Variants in FAM204A observed in about 807,000 individuals in gnomAD.
FAM204A encodes family with sequence similarity 204 member A, also known as protein FAM204A.
A neutral mutation model predicts 35.4 loss-of-function variants in FAM204A; 16 were observed. That is an observed-to-expected ratio of 0.45 (90% CI 0.31 to 0.69). The LOEUF is 0.69. Among genes scored for constraint, FAM204A ranks in the 30% least tolerant of loss-of-function variants. FAM204A has a pLI of 0.07. For synonymous variants in FAM204A, 76 were observed against 86.9 expected, an observed-to-expected ratio of 0.88 and a Z score of 0.70; for missense variants, 240 against 265.7, an observed-to-expected ratio of 0.90 and a Z score of 0.67.
intron 7 of FAM204A, among the ~76,000 whole-genome samples, chr10:118,319,537 G>T (rs1846079890): frequency 6.6e-6 from 1 of 151,866 alleles, no homozygotes; most frequent in Admixed American, 6.6e-5. Context: ...ATTAAAATGA[G>T]ATATATTTAT....
rs992025481 is a variant in FAM204A at position 118,304,210 on chromosome 10, C to A, written c.*6647G>T. On this transcript the variant is annotated 3_prime_UTR_variant, in exon 9 of 9. Transcript: ENST00000369183. ...CTCTTTCATCGACCTATTTCTGCAA[C>A]CTCCCTCCCTTCTGACCTCCAGGTT... is the stretch of plus-strand genomic sequence containing the variant. 6.6e-6 allele frequency: 1 copy of A among 152,148 alleles called. No homozygotes were observed. Among genetic ancestry groups the A allele is most frequent in the African/African-American group, 2.4e-5 (1 of 41,416 alleles). 9.4% of individuals were successfully genotyped at this position (152,148 alleles called of 1,614,324 possible).
intron 3 of FAM204A, among the ~76,000 whole-genome samples, 159 bp from the exon 4 acceptor site, chr10:118,335,800 C>T (rs1846374795): frequency 6.6e-6 from 1 of 152,126 alleles, no homozygotes. Flanking sequence ...CTCTGAGACT[C>T]ACAACCTGAG....
At chr10:118,319,705 G>GTTT (rs768070529) in intron 7 of FAM204A, among the ~76,000 whole-genome samples, 32 of 151,806 alleles carry the variant, frequency 2.1e-4, no homozygotes, top group Non-Finnish European at 3.8e-4. Flanking sequence ...AAATCAAAGG[G>GTTT]TTTTAGATTC....
At chr10:118,339,373 C>A (rs1339257023) in intron 2 of FAM204A, among the ~76,000 whole-genome samples, 5 of 152,236 alleles carry the variant, frequency 3.3e-5, no homozygotes, top group Non-Finnish European at 7.3e-5. Context: ...AAGTTTCCAA[C>A]TGGCACCATG....
Position 118,326,184 on chromosome 10 carries a change from C to T in FAM204A, c.513G>A (p.Glu171=). The change falls in exon 7 of 9, where the codon GAG becomes GAA. Residue 171 remains glutamate, a synonymous_variant. Coordinates refer to ENST00000369183, the MANE Select transcript of FAM204A (RefSeq NM_022063.3). ...AVEEWNIEKA[E]ELSNQLATRE... ...GAGTAGCTAGCTGGTTGCTGAGTTC[C>T]TCAGCCTTCTCAATATTCCACTCCT... The T allele has an allele frequency of 6.2e-7, 1 of 1,613,944 alleles. No individual in the cohort carries two copies. Among genetic ancestry groups the T allele is most frequent in the South Asian group, 1.1e-5 (1 of 91,076 alleles).
At chr10:118,340,028 T>G (rs553886496) in intron 2 of FAM204A, among the ~76,000 whole-genome samples, 6 of 152,338 alleles carry the variant, frequency 3.9e-5, no homozygotes, top group African/African-American at 1.4e-4. Flanking sequence ...AATCTAAGTA[T>G]GAATATAGTA....
rs1181536157 is a variant in FAM204A at position 118,308,207 on chromosome 10, A to G, written c.*2650T>C. 6.6e-6 allele frequency: 1 copy of G among 152,246 alleles called. No homozygotes were observed. Among genetic ancestry groups the G allele is most frequent in the Admixed American group, 6.5e-5 (1 of 15,288 alleles). The allele number at this position is 152,246 out of a possible 1,614,324, so 9.4% of individuals were successfully genotyped here. Reference sequence around the variant, plus strand: ...AGTAAATCATAGTTACATTAATGCCATACCAACGGCCTGAAACATATTAAT... The same window carrying G: ...AGTAAATCATAGTTACATTAATGCCGTACCAACGGCCTGAAACATATTAAT... On this transcript the variant is annotated 3_prime_UTR_variant, in exon 9 of 9. Coordinates refer to ENST00000369183, the MANE Select transcript of FAM204A (RefSeq NM_022063.3).
Position 118,336,339 on chromosome 10 carries a change from T to C in FAM204A, c.77A>G (p.Glu26Gly). The C allele has an allele frequency of 6.2e-7, 1 of 1,614,024 alleles. No individual in the cohort carries two copies. Among genetic ancestry groups the C allele is most frequent in the Non-Finnish European group, 8.5e-7 (1 of 1,179,882 alleles). ...TTCCTGTAAGTTAAGTCCAGAGTTC[T>C]CCAACGTAGCTTCATCTTCCGAGTT... Reference protein sequence around the residue: ...ESNSEDEATLENSGLNLQEDK... With the variant: ...ESNSEDEATLGNSGLNLQEDK... The change falls in exon 3 of 9, where the codon GAG becomes GGG. Residue 26 changes from glutamate (E) to glycine (G), a missense_variant. Glu to Gly is a moderately conservative substitution (Grantham distance 98). This residue lies in a region of FAM204A where 232 missense variants were observed against 242.8 expected (regional missense o/e 0.96). Coordinates refer to ENST00000369183, the MANE Select transcript of FAM204A (RefSeq NM_022063.3).
At chr10:118,328,437 A>G (rs541609753) in intron 6 of FAM204A, among the ~76,000 whole-genome samples, 3 of 151,864 alleles carry the variant, frequency 2.0e-5, no homozygotes, top group Admixed American at 2.0e-4. Context: ...GAAAAACTCT[A>G]GGCTGGCGGC....
chr10:118,305,962 G>A lies in FAM204A; in HGVS notation c.*4895C>T, dbSNP rs1845860231. 6.6e-6 allele frequency: 1 copy of A among 152,180 alleles called. No homozygotes were observed. Among genetic ancestry groups the A allele is most frequent in the Admixed American group, 6.5e-5 (1 of 15,284 alleles). 9.4% of individuals were successfully genotyped at this position (152,180 alleles called of 1,614,324 possible). The stretch of plus-strand genomic sequence containing the variant: ...TCCATCAAACAATAAAACCTTTATA[G>A]CTGAGACACATTCAGCCTGAAGATG... On this transcript the variant is annotated 3_prime_UTR_variant, in exon 9 of 9. Coordinates refer to ENST00000369183, the MANE Select transcript of FAM204A (RefSeq NM_022063.3).
chr10:118,311,128 C>T (rs1411937245), intron 8 of FAM204A, 79 bp downstream of exon 8: 37 of 1,338,558 alleles, frequency 2.8e-5, no homozygotes, highest in Middle Eastern at 5.1e-4. Context: ...CAGTTATACA[C>T]GAACTAGATC....
rs981079852 is a variant in FAM204A, at chr10:118,310,381, A to G, written c.*476T>C. The G allele has an allele frequency of 3.3e-5, 5 of 152,558 alleles. No individual in the cohort carries two copies. Among genetic ancestry groups the G allele is most frequent in the African/African-American group, 9.7e-5 (4 of 41,282 alleles). The allele number at this position is 152,558 out of a possible 1,614,324, so 9.5% of individuals were successfully genotyped here. ...TTGTCCATAATCCCAGCTACTCAGG[A>G]GGCTGAGGCATGAGAATCACTTGAA... On this transcript the variant is annotated 3_prime_UTR_variant, in exon 9 of 9. Transcript: ENST00000369183.
chr10:118,330,946 T>C (rs1470913969), intron 6 of FAM204A, among the ~76,000 whole-genome samples: 1 of 152,198 alleles, frequency 6.6e-6, no homozygotes, highest in Non-Finnish European at 1.5e-5. Flanking sequence ...CTCTGCAAGA[T>C]TATGATGAGT....
chr10:118,325,732 G>T (rs924224086), intron 7 of FAM204A, among the ~76,000 whole-genome samples: 2 of 152,128 alleles, frequency 1.3e-5, no homozygotes, highest in Admixed American at 6.6e-5. Context: ...GGCTGAGGGG[G>T]ATGTGCTGAG....
At position 118,314,502 on chromosome 10, in the gene FAM204A, G is replaced by A. The variant is rs116094638; in HGVS notation, c.544-3189C>T. Among the ~76,000 whole-genome samples, 248 of 152,250 alleles carry A rather than the reference G, an allele frequency of 1.6e-3. 1 individual carries two copies. Among genetic ancestry groups the A allele is most frequent in the African/African-American group, 5.7e-3 (238 of 41,548 alleles). On this transcript the variant is annotated intron_variant, in intron 7 of 8. Transcript: ENST00000369183. ...ATGAAAGAGGCAGTTGAGAAGAAAC[G>A]CAGTTTCCCAGTCAAGATGACTAAC...
Position 118,311,033 on chromosome 10 carries a change from ATAAACAT to A in FAM204A, c.651-132_651-126del. 3.7e-6 allele frequency: 4 copies of A among 1,070,298 alleles called. No homozygotes were observed. The South Asian group carries it at 5.9e-5, about 16-fold the overall frequency. 66.3% of individuals were successfully genotyped at this position (1,070,298 alleles called of 1,614,324 possible). ...TTTCACATACTCCAATGATTACAAA[ATAAACAT>A]TAAACAGGATGAAGAAATGCCTCTA... On this transcript the variant is annotated intron_variant, in intron 8 of 8. Coordinates refer to ENST00000369183, the MANE Select transcript of FAM204A (RefSeq NM_022063.3).
chr10:118,332,173 G>GAAAAAAAAAAA (rs59564428), intron 6 of FAM204A, among the ~76,000 whole-genome samples: 798 of 54,092 alleles, frequency 0.015, 149 homozygotes, highest in African/African-American at 0.044. Flanking sequence ...CTCTGTTTCA[G>GAAAAAAAAAAA]AAAAAAAAAA....
In FAM204A at chr10:118,335,192, G is replaced by T. The variant is rs145110570; in HGVS notation, c.375C>A (p.Thr125=). The T allele has an allele frequency of 5.0e-6, 8 of 1,613,024 alleles. No individual in the cohort carries two copies. Among genetic ancestry groups the T allele is most frequent in the Middle Eastern group, 1.7e-4 (1 of 6,006 alleles). ...ELHSEPSSNE[T]QWKELTQYFG... is the part of the protein sequence containing the mutation. Reference sequence around the variant, plus strand: ...AATACTGAGTAAGCTCTTTCCACTGGGTTTCATTTGAGGACGGTTCACTAA... The same window carrying T: ...AATACTGAGTAAGCTCTTTCCACTGTGTTTCATTTGAGGACGGTTCACTAA... Residue 125 remains threonine (T), a synonymous_variant, in exon 6 of 9, where the codon ACC becomes ACA. Coordinates refer to ENST00000369183, the MANE Select transcript of FAM204A (RefSeq NM_022063.3).
At chr10:118,312,112 A>G (rs768782381) in intron 7 of FAM204A, among the ~76,000 whole-genome samples, 3 of 152,226 alleles carry the variant, frequency 2.0e-5, no homozygotes, top group Non-Finnish European at 4.4e-5. Flanking sequence ...TTCCCCAGCA[A>G]GCATCTCCAG....
Sources: allele counts gnomAD v4.1 joint callset (sites outside exome capture counted in the v4.1 genomes callset), GRCh38; gene constraint gnomAD v4.1.1; regional missense constraint gnomAD v4.1.1; transcripts MANE v1.5; gene names NCBI Gene and HGNC (gene_info 2026-07-23, HGNC 2026-07-21).